The following ACTN2 variants were observed in gnomAD, a reference collection of about 807,000 sequenced individuals.
ACTN2 encodes alpha-actinin-2.
A neutral mutation model predicts 113.8 loss-of-function variants in ACTN2; 39 were observed. That is an observed-to-expected ratio of 0.34 (90% CI 0.27 to 0.45). The LOEUF is 0.45. Among genes scored for constraint, ACTN2 ranks in the 20% least tolerant of loss-of-function variants. The probability of loss-of-function intolerance (pLI) is 1.00; values close to 1 mark genes in which losing one functional copy is unlikely to be tolerated. For missense variants in ACTN2, 992 were observed against 1,177.9 expected, an observed-to-expected ratio of 0.84 and a Z score of 2.31; for synonymous variants, 429 against 444.1, an observed-to-expected ratio of 0.97 and a Z score of 0.43.
chr1:236,712,122 A>G (rs1367571665), intron 1 of ACTN2, among the ~76,000 whole-genome samples: 2 of 152,200 alleles, frequency 1.3e-5, no homozygotes, highest in East Asian at 3.8e-4. Flanking sequence ...AAACAACAAG[A>G]AAGTTCACAA....
chr1:236,721,029 T>TG (rs1408009001), intron 4 of ACTN2, among the ~76,000 whole-genome samples: 2 of 101,492 alleles, frequency 2.0e-5, no homozygotes, highest in African/African-American at 7.1e-5. Context: ...TTTGTTTTTT[T>TG]TTTTTTTTTT....
intron 5 of ACTN2, among the ~76,000 whole-genome samples, 161 bp from the exon 6 acceptor site, chr1:236,727,517 T>G (rs1000766163): frequency 1.4e-5 from 2 of 139,872 alleles, no homozygotes; most frequent in African/African-American, 3.0e-5. Context: ...GGGAAGAAGA[T>G]GAGTGTTCAA....
At chr1:236,700,689 A>T (rs997353322) in intron 1 of ACTN2, among the ~76,000 whole-genome samples, 2 of 152,160 alleles carry the variant, frequency 1.3e-5, no homozygotes, top group Non-Finnish European at 2.9e-5. Flanking sequence ...GCTGAATTTG[A>T]TACTTCTGCT....
chr1:236,735,594 G>A (rs1411041102), intron 7 of ACTN2, 41 bp from the exon 8 acceptor site: 2 of 1,493,264 alleles, frequency 1.3e-6, no homozygotes, highest in Admixed American at 1.7e-5. Flanking sequence ...TGTGTGGTGT[G>A]TGTGTGTGCG....
At chr1:236,732,749 T>C (rs1364925456) in intron 7 of ACTN2, among the ~76,000 whole-genome samples, 1 of 152,182 alleles carries the variant, frequency 6.6e-6, no homozygotes, top group Non-Finnish European at 1.5e-5. Context: ...GGCCTGTGAA[T>C]ATTTTCTTAC....
intron 6 of ACTN2, among the ~76,000 whole-genome samples, chr1:236,728,438 C>T (rs1267418321): frequency 3.9e-5 from 6 of 152,188 alleles, no homozygotes; most frequent in African/African-American, 1.2e-4. Flanking sequence ...CCCCTGTGCC[C>T]GGCCCATCCA....
intron 1 of ACTN2, among the ~76,000 whole-genome samples, chr1:236,698,860 C>A (rs1212033111): frequency 6.6e-6 from 1 of 152,116 alleles, no homozygotes; most frequent in Non-Finnish European, 1.5e-5. Context: ...TATGATTTTA[C>A]TGGATCTTCA....
Position 236,742,294 on chromosome 1 carries a change from T to C in ACTN2, c.1108-602T>C, listed in dbSNP as rs1421425402. On this transcript the variant is annotated intron_variant, in intron 10 of 20. Coordinates refer to ENST00000366578, the MANE Select transcript of ACTN2 (RefSeq NM_001103.4). The stretch of plus-strand genomic sequence containing the variant: ...CACCATGGAAGCTGCATGGGAACTT[T>C]AGAGGTGTTGTTTACCCTTACAGAG... Among the ~76,000 whole-genome samples, 3 of 121,832 alleles carry C rather than the reference T, an allele frequency of 2.5e-5. No homozygotes were observed. In the East Asian group the frequency reaches 6.8e-4, roughly 27 times the overall value. 79.9% of individuals were successfully genotyped at this position (121,832 alleles called of 152,430 possible).
At position 236,727,667 on chromosome 1, in the gene ACTN2, C is replaced by T. The variant is rs367744285; in HGVS notation, c.537-11C>T. 22 of 1,614,066 alleles carry T rather than the reference C, an allele frequency of 1.4e-5. No homozygotes were observed. The highest frequency in any genetic ancestry group is 4.5e-5 in the East Asian group (2 of 44,882). On this transcript the variant is annotated splice_polypyrimidine_tract_variant and intron_variant, in intron 5 of 20. Transcript: ENST00000366578. Reference sequence around the variant, plus strand: ...TAACACGTGTTCCTGTTCTTCTCGACGGCTGTGAAGCTGGAAAGATGGCCT... The same window carrying T: ...TAACACGTGTTCCTGTTCTTCTCGATGGCTGTGAAGCTGGAAAGATGGCCT...
At chr1:236,729,048 A>G (rs566011638) in intron 6 of ACTN2, among the ~76,000 whole-genome samples, 5 of 152,290 alleles carry the variant, frequency 3.3e-5, no homozygotes, top group African/African-American at 7.2e-5. Flanking sequence ...CAGAGCATCC[A>G]CAAGATTCAG....
Position 236,744,631 on chromosome 1 carries a change from G to C in ACTN2, c.1261G>C (p.Glu421Gln). ...STHETWAYGK[E>Q]QILLQKDYES... The stretch of plus-strand genomic sequence containing the variant: ...TCTTGCTACCACCTTTGCAGGCAAA[G>C]AGCAGATCTTGCTGCAGAAGGATTA... The change falls in exon 12 of 21, where the codon GAG (glutamate) becomes CAG (glutamine). Residue 421 changes from glutamate to glutamine, a missense_variant. Transcript: ENST00000366578. The C allele has an allele frequency of 6.2e-7, 1 of 1,614,188 alleles. No homozygotes were observed. Among genetic ancestry groups the C allele is most frequent in the Non-Finnish European group, 8.5e-7 (1 of 1,180,042 alleles).
chr1:236,704,324 G>T (rs550330246), intron 1 of ACTN2, among the ~76,000 whole-genome samples: 1 of 152,288 alleles, frequency 6.6e-6, no homozygotes, highest in African/African-American at 2.4e-5. Flanking sequence ...GTGACCAAAT[G>T]TGTGTGGTCT....
At chr1:236,708,224 G>A (rs762059547) in intron 1 of ACTN2, among the ~76,000 whole-genome samples, 33 of 152,132 alleles carry the variant, frequency 2.2e-4, no homozygotes, top group Admixed American at 3.9e-4. Flanking sequence ...GGGCTGCTGC[G>A]TAGTTAGATG....
chr1:236,696,324 A>C (rs537967103), intron 1 of ACTN2, among the ~76,000 whole-genome samples: 1 of 152,048 alleles, frequency 6.6e-6, no homozygotes, highest in Non-Finnish European at 1.5e-5. Flanking sequence ...TCTCAAAAAA[A>C]AAAAAAAAAG....
chr1:236,686,821 G>A (rs1307845859), intron 1 of ACTN2, 22 bp downstream of exon 1: 1 of 1,457,068 alleles, frequency 6.9e-7, no homozygotes, highest in Non-Finnish European at 9.1e-7. Context: ...CCCGCGGGCC[G>A]CCCGCGCGTG....
At position 236,760,939 on chromosome 1, in the gene ACTN2, C is replaced by G. The variant is rs531242115; in HGVS notation, c.2368-76C>G. On this transcript the variant is annotated intron_variant, in intron 19 of 20. Coordinates refer to ENST00000366578, the MANE Select transcript of ACTN2 (RefSeq NM_001103.4). ...AGACATAAAGGAATTGGCATGTCAC[C>G]AGGGAAAGAATGAAAACGGCTCTGT... 4.4e-6 allele frequency: 7 copies of G among 1,579,082 alleles called. No individual in the cohort carries two copies. In the African/African-American group the frequency reaches 8.1e-5, roughly 18 times the overall value.
chr1:236,737,018 A>G, intron 8 of ACTN2, 104 bp from the exon 9 acceptor site: 2 of 904,416 alleles, frequency 2.2e-6, no homozygotes, highest in Non-Finnish European at 3.5e-6. Context: ...CACCGTCTAC[A>G]GCACGCCACC....
At chr1:236,743,813 G>A (rs1424074502) in intron 11 of ACTN2, among the ~76,000 whole-genome samples, 1 of 152,108 alleles carries the variant, frequency 6.6e-6, no homozygotes, top group Non-Finnish European at 1.5e-5. Context: ...TGTGTGCCCC[G>A]GATGAATTCT....
At chr1:236,727,620 C>T in intron 5 of ACTN2, 58 bp from the exon 6 acceptor site, 1 of 1,567,584 alleles carries the variant, frequency 6.4e-7, no homozygotes, top group Non-Finnish European at 8.8e-7. Context: ...AGTGCAGATG[C>T]TGGCTGCTTC....
Sources: allele counts gnomAD v4.1 joint callset (sites outside exome capture counted in the v4.1 genomes callset), GRCh38; gene constraint gnomAD v4.1.1; transcripts MANE v1.5; gene names NCBI Gene and HGNC (gene_info 2026-07-23, HGNC 2026-07-21).